The following YEATS2 variants were observed in gnomAD, a reference collection of about 807,000 sequenced individuals.
YEATS2 encodes the protein YEATS domain containing 2, also known as YEATS domain-containing protein 2.
Under a neutral mutation model 163.2 loss-of-function variants are expected in YEATS2, and 77 were observed. That is an observed-to-expected ratio of 0.47 (90% CI 0.39 to 0.57). YEATS2 has a LOEUF of 0.57. YEATS2 is among the 20% of genes least tolerant of loss of function. YEATS2 has a pLI of 0.00. For synonymous variants in YEATS2, 631 were observed against 645.1 expected (o/e 0.98, Z 0.33); for missense variants, 1,549 against 1,729.8 (o/e 0.90, Z 1.85).
chr3:183,808,245 G>C, intron 29 of YEATS2, 141 bp downstream of exon 29: 1 of 649,636 alleles, frequency 1.5e-6, no homozygotes, highest in South Asian at 2.2e-5. Context: ...CTCTCTTTTT[G>C]TTTTTTTGTT....
intron 15 of YEATS2, among the ~76,000 whole-genome samples, chr3:183,766,285 T>TA (rs1446507895): frequency 2.0e-5 from 3 of 152,222 alleles, no homozygotes; most frequent in African/African-American, 7.2e-5. Flanking sequence ...AGGACCTACC[T>TA]AGCACAGAGC....
intron 3 of YEATS2, among the ~76,000 whole-genome samples, chr3:183,718,079 G>GA (rs1369218772): frequency 1.3e-5 from 2 of 152,112 alleles, no homozygotes; most frequent in Non-Finnish European, 2.9e-5. Context: ...GTAACATAGA[G>GA]AAAGGATAAA....
chr3:183,730,052 GTTTTTTTTTTTTTTTTTTTTTTTT>G (rs869091775), intron 7 of YEATS2, among the ~76,000 whole-genome samples: 2 of 41,698 alleles, frequency 4.8e-5, no homozygotes, highest in South Asian at 1.4e-3. Flanking sequence ...TTTTTTGTTT[GTTTTTTTTTTTTTTTTTTTTTTTT>G]TTTTTTTTTT....
chr3:183,781,881 C>T (rs981783770), intron 19 of YEATS2, among the ~76,000 whole-genome samples: 6 of 151,096 alleles, frequency 4.0e-5, no homozygotes, highest in African/African-American at 1.5e-4. Context: ...CCAGCCTGGG[C>T]GATAGAGCAA....
At chr3:183,764,577 A>G (rs1368370359) in intron 15 of YEATS2, among the ~76,000 whole-genome samples, 1 of 152,154 alleles carries the variant, frequency 6.6e-6, no homozygotes, top group Non-Finnish European at 1.5e-5. Context: ...TGGGAGGTCA[A>G]GGCGGGTGGA....
At chr3:183,805,869 A>G (rs263035) in intron 27 of YEATS2, among the ~76,000 whole-genome samples, 67,634 of 151,546 alleles carry the variant, frequency 0.45, 15,320 homozygotes, top group Middle Eastern at 0.56. Context: ...CCTTTCTCTC[A>G]TCTCCTGCAG....
rs368090255 is a variant in YEATS2, at chr3:183,804,111, C to T, written c.3707C>T (p.Thr1236Ile). The T allele has an allele frequency of 1.2e-6, 2 of 1,614,036 alleles. No individual in the cohort carries two copies. Among genetic ancestry groups the T allele is most frequent in the African/African-American group, 2.7e-5 (2 of 74,908 alleles). The change falls in exon 27 of 31, where the codon ACC becomes ATC. Residue 1236 changes from threonine to isoleucine, a missense_variant. Transcript: ENST00000305135. ...IAHWCRCHGYTPPDPESLRND... is the reference protein window; with the variant it reads ...IAHWCRCHGYIPPDPESLRND... ...CACTGGTGCCGCTGTCATGGCTACACCCCACCGGACCCTGAGAGCCTGAGG... is the reference window on the plus strand; with the variant it reads ...CACTGGTGCCGCTGTCATGGCTACATCCCACCGGACCCTGAGAGCCTGAGG...
chr3:183,775,113 G>T (rs1363774753), intron 17 of YEATS2, among the ~76,000 whole-genome samples: 1 of 152,164 alleles, frequency 6.6e-6, no homozygotes, highest in Non-Finnish European at 1.5e-5. Flanking sequence ...TTTGAAGTGG[G>T]ATTTGAAAGG....
intron 6 of YEATS2, among the ~76,000 whole-genome samples, chr3:183,724,884 C>A (rs554059405): frequency 6.6e-6 from 1 of 152,194 alleles, no homozygotes; most frequent in South Asian, 2.1e-4. Flanking sequence ...GCTGGGATTG[C>A]AGGCATATGC....
chr3:183,794,514 A>C (rs1220492095), intron 21 of YEATS2, among the ~76,000 whole-genome samples: 1 of 152,216 alleles, frequency 6.6e-6, no homozygotes. Flanking sequence ...ACAAAGTTTG[A>C]AATGTATTTC....
At chr3:183,713,485 C>T (rs1193649855) in intron 1 of YEATS2, among the ~76,000 whole-genome samples, 1 of 152,124 alleles carries the variant, frequency 6.6e-6, no homozygotes, top group East Asian at 1.9e-4. Flanking sequence ...ATTGCTTGAA[C>T]CCGGGAGGCG....
intron 9 of YEATS2, among the ~76,000 whole-genome samples, chr3:183,748,967 G>A (rs1719858999): frequency 1.3e-5 from 2 of 151,932 alleles, no homozygotes; most frequent in African/African-American, 4.8e-5. Flanking sequence ...TCTTGAGACA[G>A]AGTCTCACTC....
chr3:183,787,103 C>T (rs1453131889), intron 20 of YEATS2, among the ~76,000 whole-genome samples: 1 of 152,102 alleles, frequency 6.6e-6, no homozygotes, highest in Admixed American at 6.5e-5. Context: ...TACAGGCACG[C>T]ACCACCATGT....
chr3:183,794,086 G>T (rs1724923477), intron 21 of YEATS2, among the ~76,000 whole-genome samples: 1 of 152,198 alleles, frequency 6.6e-6, no homozygotes, highest in Non-Finnish European at 1.5e-5. Context: ...GGGCTGTGTG[G>T]GGTGTTGGAA....
intron 4 of YEATS2, among the ~76,000 whole-genome samples, chr3:183,721,128 T>A (rs1320395630): frequency 2.6e-5 from 4 of 152,224 alleles, no homozygotes; most frequent in Admixed American, 2.6e-4. Context: ...TCAGGGATAT[T>A]TAGGTATGCT....
At chr3:183,772,869 G>A (rs1236388302) in intron 16 of YEATS2, among the ~76,000 whole-genome samples, 1 of 152,062 alleles carries the variant, frequency 6.6e-6, no homozygotes, top group Non-Finnish European at 1.5e-5. Flanking sequence ...AAAATCCACA[G>A]ATGCTAATCC....
intron 15 of YEATS2, among the ~76,000 whole-genome samples, chr3:183,766,674 G>A (rs568872556): frequency 7.9e-5 from 12 of 152,312 alleles, no homozygotes; most frequent in African/African-American, 2.6e-4. Flanking sequence ...GCCGAAATAC[G>A]TTGTGGTTTT....
chr3:183,805,774 G>A (rs147320572), intron 27 of YEATS2, among the ~76,000 whole-genome samples: 12 of 151,660 alleles, frequency 7.9e-5, no homozygotes, highest in Admixed American at 3.9e-4. Flanking sequence ...GGGTGACAGC[G>A]CAAAACCCTG....
chr3:183,785,093 C>T (rs1402458564), intron 19 of YEATS2, among the ~76,000 whole-genome samples: 1 of 151,646 alleles, frequency 6.6e-6, no homozygotes, highest in African/African-American at 2.4e-5. Context: ...GTTTGTTGAG[C>T]CTTTATTTAG....
Sources: gnomAD v4.1 joint callset for allele counts (sites outside exome capture counted in the v4.1 genomes callset) on GRCh38, gnomAD v4.1.1 for gene constraint, MANE v1.5 for transcripts, NCBI Gene and HGNC (gene_info 2026-07-23, HGNC 2026-07-21) for gene names.